The following SELENOS variants were observed in gnomAD, a reference collection of about 807,000 sequenced individuals.
SELENOS encodes selenoprotein S, also known as VCP interacting membrane selenoprotein.
A neutral mutation model predicts 30.2 loss-of-function variants in SELENOS; 37 were observed. The observed-to-expected ratio is 1.23, with a 90% CI of 0.94 to 1.61. The LOEUF is 1.61. Among genes scored for constraint, SELENOS ranks in the 40% most tolerant of loss-of-function variants. SELENOS has a pLI of 0.00. For missense variants in SELENOS, 289 were observed against 231.8 expected (o/e 1.25, Z -1.60); for synonymous variants, 119 against 91.6 (o/e 1.30, Z -1.71).
chr15:101,275,340 C>G lies in SELENOS; in HGVS notation c.233G>C (p.Arg78Pro). The change falls in exon 3 of 6, where the codon CGA becomes CCA. Residue 78 changes from arginine to proline, a missense_variant. By Grantham distance (103) the Arg-to-Pro change is moderately radical (BLOSUM62 -2). Coordinates refer to ENST00000526049, the MANE Select transcript of SELENOS (RefSeq NM_018445.6). ...AAVEPDVVVKRQEALAAARLK... is the reference protein window; with the variant it reads ...AAVEPDVVVKPQEALAAARLK... The stretch of plus-strand genomic sequence containing the variant: ...TCGAGCAGCTGCTAAAGCTTCTTGT[C>G]GTTTAACAACAACATCAGGTTCTAA... 1 of 1,576,886 alleles carries G rather than the reference C, an allele frequency of 6.3e-7. No individual in the cohort carries two copies. The highest frequency in any genetic ancestry group is 1.7e-4 in the Middle Eastern group (1 of 5,986).
In SELENOS at chr15:101,272,737, C is replaced by T. The variant is rs755245313; in HGVS notation, c.*34G>A. On this transcript the variant is annotated 3_prime_UTR_variant, in exon 6 of 6. Coordinates refer to ENST00000526049, the MANE Select transcript of SELENOS (RefSeq NM_018445.6). Reference sequence around the variant, plus strand: ...ATTGAATCGAGGGTTAAGGGTTCATCTTGCTAATGTCAAAAGTGACACTAA... The same window carrying T: ...ATTGAATCGAGGGTTAAGGGTTCATTTTGCTAATGTCAAAAGTGACACTAA... The T allele has an allele frequency of 3.8e-6, 6 of 1,576,016 alleles. No individual in the cohort carries two copies. In the East Asian group the frequency reaches 1.2e-4, roughly 30 times the overall value.
chr15:101,274,615 TG>T lies in SELENOS; in HGVS notation c.384del (p.Tyr128Ter). On this transcript the variant is annotated frameshift_variant, in exon 4 of 6. Transcript: ENST00000526049. LOFTEE classifies it high-confidence loss of function. ...ACCTGGGGCTTCTTTGCATTTCCTT[TG>T]TAACTTTTTCCTTCTTGCATGCTGT... The part of the protein sequence containing the change: ...MWDSMQEGKS[Y>X]KGNAKKPQEE... 1 of 1,613,748 alleles carries T rather than the reference TG, an allele frequency of 6.2e-7. No individual in the cohort carries two copies. Among genetic ancestry groups the T allele is most frequent in the Non-Finnish European group, 8.5e-7 (1 of 1,179,828 alleles).
chr15:101,272,065 C>T (rs997347228), downstream of SELENOS: 1 of 152,182 alleles, frequency 6.6e-6, no homozygotes, highest in Admixed American at 6.5e-5. Flanking sequence ...CAACTCGACT[C>T]CAAGCACCCA....
intron 2 of SELENOS, 25 bp downstream of exon 2, chr15:101,276,516 T>G: frequency 6.3e-7 from 1 of 1,576,908 alleles, no homozygotes; most frequent in Non-Finnish European, 8.6e-7. Flanking sequence ...AACCACCGCT[T>G]TCATTTCGGT....
At chr15:101,275,413 G>C (rs1596465869) in intron 2 of SELENOS, 52 bp from the exon 3 acceptor site, 1 of 1,414,234 alleles carries the variant, frequency 7.1e-7, no homozygotes, top group Non-Finnish European at 9.4e-7. Flanking sequence ...ATATAAAATA[G>C]AAACTTTTGA....
chr15:101,275,030 T>G (rs1338099257), intron 3 of SELENOS: 1 of 568,914 alleles, frequency 1.8e-6, no homozygotes, highest in Admixed American at 3.6e-5. Context: ...CCTTTTGTGC[T>G]CTGGACCTTT....
In SELENOS at chr15:101,274,428, C is replaced by T. The variant is rs768179180; in HGVS notation, c.476G>A (p.Arg159Gln). 9 of 1,607,356 alleles carry T rather than the reference C, an allele frequency of 5.6e-6. No individual in the cohort carries two copies. Among genetic ancestry groups the T allele is most frequent in the South Asian group, 1.1e-5 (1 of 89,460 alleles). ...LKRKSDRKPL[R>Q]GGGYNPLSGE... ...ACATCAGTGGTGCTTACCTCCTCCC[C>T]GCAAAGGCTTTCTGTCCGATTTCCG... The change falls in exon 5 of 6, where the codon CGG becomes CAG. Residue 159 changes from arginine (R) to glutamine (Q), a missense_variant. Arg to Gln is a conservative substitution (Grantham distance 43). Transcript: ENST00000526049.
intron 5 of SELENOS, among the ~76,000 whole-genome samples, chr15:101,273,220 A>T (rs1411107324): frequency 6.9e-6 from 1 of 145,652 alleles, no homozygotes; most frequent in East Asian, 1.9e-4. Context: ...TTCACGCTAC[A>T]GAAAACAGAT....
chr15:101,273,241 CAA>C (rs1332962516), intron 5 of SELENOS, among the ~76,000 whole-genome samples: 1 of 151,362 alleles, frequency 6.6e-6, no homozygotes, highest in Admixed American at 6.6e-5. Flanking sequence ...TAAAAAAAAT[CAA>C]GAGTCAAACT....
chr15:101,277,475 G>T lies in SELENOS; in HGVS notation c.-58C>A. 1 of 1,390,348 alleles carries T rather than the reference G, an allele frequency of 7.2e-7. No individual in the cohort carries two copies. Among genetic ancestry groups the T allele is most frequent in the Admixed American group, 3.7e-5 (1 of 27,122 alleles). The allele number at this position is 1,390,348 out of a possible 1,614,324, so 86.1% of individuals were successfully genotyped here. On this transcript the variant is annotated 5_prime_UTR_variant, in exon 1 of 6. Coordinates refer to ENST00000526049, the MANE Select transcript of SELENOS (RefSeq NM_018445.6). ...GCCGCGCCTCCAGCCGGGCGCTTCCGGTGCGCTCCTACGCACACGTGGCGC... is the reference window on the plus strand; with the variant it reads ...GCCGCGCCTCCAGCCGGGCGCTTCCTGTGCGCTCCTACGCACACGTGGCGC...
At position 101,277,459 on chromosome 15, in the gene SELENOS, C is replaced by T. The variant is rs1449511944; in HGVS notation, c.-42G>A. On this transcript the variant is annotated 5_prime_UTR_variant, in exon 1 of 6. Coordinates refer to ENST00000526049, the MANE Select transcript of SELENOS (RefSeq NM_018445.6). The stretch of plus-strand genomic sequence containing the variant: ...GCCGCCCAGCCCTGCCGCCGCGCCT[C>T]CAGCCGGGCGCTTCCGGTGCGCTCC... 1.4e-6 allele frequency: 2 copies of T among 1,407,932 alleles called. No individual in the cohort carries two copies. The highest frequency in any genetic ancestry group is 1.5e-5 in the African/African-American group (1 of 66,180). 87.2% of individuals were successfully genotyped at this position (1,407,932 alleles called of 1,614,324 possible).
chr15:101,277,065 C>T (rs776312756), intron 1 of SELENOS: 59 of 632,650 alleles, frequency 9.3e-5, no homozygotes, highest in Non-Finnish European at 1.1e-4. Context: ...CAAACGCCAA[C>T]GGCCGAGTGA....
rs749872161 is a variant in SELENOS at position 101,276,581 on chromosome 15, G to A, written c.171C>T (p.Ala57=). The part of the protein sequence containing the change: ...VFQKLSARLR[A]LRQRQLDRAA... ...CTCGGTCCAGCTGCCTCTGCCTCAA[G>A]GCTCTTAGCCGGGCGGAAAGCTTCT... is the stretch of plus-strand genomic sequence containing the variant. The change falls in exon 2 of 6, where the codon GCC becomes GCT. Residue 57 remains alanine, a synonymous_variant. Coordinates refer to ENST00000526049, the MANE Select transcript of SELENOS (RefSeq NM_018445.6). The A allele has an allele frequency of 1.9e-6, 3 of 1,613,650 alleles. No homozygotes were observed. In the South Asian group the frequency reaches 3.3e-5, roughly 18 times the overall value.
Position 101,276,664 on chromosome 15 carries a change from G to C in SELENOS, c.88C>G (p.Leu30Val), listed in dbSNP as rs887809082. The C allele has an allele frequency of 1.2e-6, 2 of 1,605,452 alleles. No homozygotes were observed. The highest frequency in any genetic ancestry group is 1.7e-4 in the Middle Eastern group (1 of 5,926). The change falls in exon 2 of 6, where the codon CTG becomes GTG. Residue 30 changes from leucine (L) to valine (V), a missense_variant. Physicochemically the swap from Leu to Val is conservative, Grantham distance 32 (BLOSUM62 1). Transcript: ENST00000526049. ...ACGATGTACCAGCCATAGGTGGCCA[G>C]CAGGGAGCCCACTGAAAAGAAAAAC... is the stretch of plus-strand genomic sequence containing the variant. Reference protein sequence around the residue: ...RFLHTTVGSLLATYGWYIVFS... With the variant: ...RFLHTTVGSLVATYGWYIVFS...
intron 3 of SELENOS, 39 bp downstream of exon 3, chr15:101,275,216 A>G: frequency 6.7e-7 from 1 of 1,498,706 alleles, no homozygotes; most frequent in Non-Finnish European, 8.9e-7. Flanking sequence ...AACCTCAGAC[A>G]ATTTCTATGC....
At chr15:101,276,145 A>G (rs1596466191) in intron 2 of SELENOS, among the ~76,000 whole-genome samples, 1 of 150,750 alleles carries the variant, frequency 6.6e-6, no homozygotes, top group Non-Finnish European at 1.5e-5. Context: ...CTGTTCTCGA[A>G]CCCCTGACCT....
At position 101,272,832 on chromosome 15, in the gene SELENOS, C is replaced by T; in HGVS notation, c.509G>A (p.Gly170Glu). 1 of 1,609,584 alleles carries T rather than the reference C, an allele frequency of 6.2e-7. No individual in the cohort carries two copies. The highest frequency in any genetic ancestry group is 8.5e-7 in the Non-Finnish European group (1 of 1,177,970). ...GGGYNPLSGE[G>E]GGACSWRPGR... ...AGGTCTCCAGGAGCAAGCTCCGCCT[C>T]CTTCACCAGACAACGGGTTATAACC... The change falls in exon 6 of 6, where the codon GGA becomes GAA. Residue 170 changes from glycine to glutamate, a missense_variant. By Grantham distance (98) the Gly-to-Glu change is moderately conservative (BLOSUM62 -2). Coordinates refer to ENST00000526049, the MANE Select transcript of SELENOS (RefSeq NM_018445.6).
Position 101,274,500 on chromosome 15 carries a change from T to C in SELENOS, c.409-5A>G. 1.2e-6 allele frequency: 2 copies of C among 1,608,374 alleles called. No individual in the cohort carries two copies. Among genetic ancestry groups the C allele is most frequent in the Non-Finnish European group, 1.7e-6 (2 of 1,177,056 alleles). On this transcript the variant is annotated splice_region_variant and splice_polypyrimidine_tract_variant and intron_variant, in intron 4 of 5. Transcript: ENST00000526049. The stretch of plus-strand genomic sequence containing the variant: ...AGGCCCAGGACTGTCTTCCTCCTGT[T>C]TGAACACACACAGTAGTGTAAGAAG...
Position 101,274,660 on chromosome 15 carries a change from G to C in SELENOS, c.340C>G (p.Gln114Glu). 6.2e-7 allele frequency: 1 copy of C among 1,612,278 alleles called. No homozygotes were observed. Among genetic ancestry groups the C allele is most frequent in the Non-Finnish European group, 8.5e-7 (1 of 1,179,560 alleles). ...ATGCTGTCCCACATTTCAATCTTCT[G>C]TCTCCTTTTTTCTTCTTCAAGCTGA... ...LKQLEEEKRR[Q>E]KIEMWDSMQE... is the part of the protein sequence containing the mutation. The change falls in exon 4 of 6, where the codon CAG becomes GAG. Residue 114 changes from glutamine to glutamate, a missense_variant. By Grantham distance (29) the Gln-to-Glu change is conservative. Transcript: ENST00000526049.
Sources: allele counts gnomAD v4.1 joint callset (sites outside exome capture counted in the v4.1 genomes callset), GRCh38; gene constraint gnomAD v4.1.1; transcripts MANE v1.5; gene names NCBI Gene and HGNC (gene_info 2026-07-23, HGNC 2026-07-21).